The following GPHN variants were observed in gnomAD, a reference collection of about 807,000 sequenced individuals.
The protein encoded by GPHN is gephyrin.
GPHN carries 17 observed loss-of-function variants against 95.5 expected under a neutral mutation model. The ratio of observed to expected loss-of-function variants is 0.18; its 90% CI spans 0.12 to 0.27. GPHN has a LOEUF of 0.27. Ranked by LOEUF, GPHN falls within the 10% of genes least tolerant of loss-of-function variation. The pLI is 1.00. For missense variants in GPHN, 660 were observed against 978.1 expected, an observed-to-expected ratio of 0.67 and a Z score of 4.34; for synonymous variants, 320 against 322.5, an observed-to-expected ratio of 0.99 and a Z score of 0.08.
chr14:66,811,546 C>CA (rs778914403), intron 3 of GPHN, among the ~76,000 whole-genome samples: 518 of 87,068 alleles, frequency 5.9e-3, no homozygotes, highest in Admixed American at 0.012. Flanking sequence ...TTACATTCAG[C>CA]AAAAAAAAAA....
At chr14:66,626,883 C>CT in intron 1 of GPHN, among the ~76,000 whole-genome samples, 1 of 151,942 alleles carries the variant, frequency 6.6e-6, no homozygotes, top group East Asian at 1.9e-4. Context: ...CTTTGTGATC[C>CT]TACAAATTAT....
the GPHN span, among the ~76,000 whole-genome samples, chr14:67,640,116 A>T: frequency 1.4e-3 from 206 of 151,970 alleles, no homozygotes; most frequent in Admixed American, 6.4e-3. Context: ...TCTTTTTTTA[A>T]AAAAATAAAA....
At chr14:67,204,896 T>A in the GPHN span, 1 of 1,613,858 alleles carries the variant, frequency 6.2e-7, no homozygotes, top group East Asian at 2.2e-5. Flanking sequence ...TTCACAGACA[T>A]CACCGACATC....
the GPHN span, among the ~76,000 whole-genome samples, chr14:67,656,067 G>A: frequency 1.3e-5 from 2 of 151,996 alleles, no homozygotes; most frequent in Admixed American, 6.6e-5. Context: ...CCAACATGGC[G>A]AAACCCCATC....
intron 2 of GPHN, among the ~76,000 whole-genome samples, chr14:66,693,691 G>A (rs554658042): frequency 6.6e-6 from 1 of 152,256 alleles, no homozygotes; most frequent in South Asian, 2.1e-4. Context: ...GGACTCACTT[G>A]TGAATCTCCT....
the GPHN span, among the ~76,000 whole-genome samples, chr14:67,627,713 T>C: frequency 6.6e-6 from 1 of 152,170 alleles, no homozygotes; most frequent in African/African-American, 2.4e-5. Flanking sequence ...GGTGGGAAGA[T>C]TGCTTGAGGC....
the GPHN span, among the ~76,000 whole-genome samples, chr14:67,457,237 T>C: frequency 6.6e-6 from 1 of 152,142 alleles, no homozygotes; most frequent in African/African-American, 2.4e-5. Context: ...ACACTCAATT[T>C]ACCTATATAA....
the GPHN span, among the ~76,000 whole-genome samples, chr14:67,434,342 C>T: frequency 6.6e-6 from 1 of 152,170 alleles, no homozygotes; most frequent in Non-Finnish European, 1.5e-5. Context: ...ATTCCATAAT[C>T]CTAATTCTAA....
chr14:67,494,677 G>A, the GPHN span, among the ~76,000 whole-genome samples: 5 of 152,156 alleles, frequency 3.3e-5, no homozygotes, highest in East Asian at 1.9e-4. Context: ...GTCCACAGCC[G>A]GTGATGGCTG....
the GPHN span, among the ~76,000 whole-genome samples, chr14:67,327,288 T>C: frequency 6.6e-6 from 1 of 152,172 alleles, no homozygotes; most frequent in Non-Finnish European, 1.5e-5. Flanking sequence ...AGGAGTAGAA[T>C]TGCCGGATCA....
chr14:67,106,179 T>C (rs2078030985), intron 13 of GPHN, among the ~76,000 whole-genome samples: 1 of 152,182 alleles, frequency 6.6e-6, no homozygotes, highest in Non-Finnish European at 1.5e-5. Context: ...ATAGTATTCA[T>C]AGTTAGAAAT....
At chr14:67,392,059 GT>G in the GPHN span, among the ~76,000 whole-genome samples, 1 of 152,148 alleles carries the variant, frequency 6.6e-6, no homozygotes, top group Non-Finnish European at 1.5e-5. Context: ...TGTAGAAGTT[GT>G]TTTTTGATGT....
the GPHN span, chr14:67,332,973 G>A: frequency 9.2e-5 from 147 of 1,590,776 alleles, 2 homozygotes; most frequent in South Asian, 6.9e-4. Context: ...CATCCATTCT[G>A]TGGCATGTTG....
In GPHN at chr14:66,729,808, C is replaced by T. The variant is rs546951596; in HGVS notation, c.144-46656C>T. ...AAATAAAGGTTATGACTTTTGTGGG[C>T]ACTGATAGTCAATGGGTTGTCAGAA... On this transcript the variant is annotated intron_variant, in intron 2 of 22. Coordinates refer to ENST00000478722, the MANE Select transcript of GPHN (RefSeq NM_020806.5). 3.9e-3 allele frequency among the ~76,000 whole-genome samples: 595 copies of T among 152,284 alleles called. 6 individuals carry two copies. The highest frequency in any genetic ancestry group is 0.014 in the African/African-American group (572 of 41,558).
intron 18 of GPHN, among the ~76,000 whole-genome samples, chr14:67,146,906 G>A (rs1366149518): frequency 1.3e-5 from 2 of 152,148 alleles, no homozygotes; most frequent in Non-Finnish European, 2.9e-5. Context: ...AGTGACACAT[G>A]CCTATAATCC....
chr14:66,575,068 C>T (rs758535661), intron 1 of GPHN, among the ~76,000 whole-genome samples: 21 of 152,158 alleles, frequency 1.4e-4, no homozygotes, highest in Non-Finnish European at 1.6e-4. Flanking sequence ...TATATACATC[C>T]TATTGATTCT....
At chr14:67,721,881 T>C in the GPHN span, among the ~76,000 whole-genome samples, 1 of 152,124 alleles carries the variant, frequency 6.6e-6, no homozygotes, top group Admixed American at 6.5e-5. Context: ...GTGGAGCTTT[T>C]AAATAGATTC....
At chr14:66,838,859 T>G (rs1181243338) in intron 4 of GPHN, among the ~76,000 whole-genome samples, 1 of 152,138 alleles carries the variant, frequency 6.6e-6, no homozygotes, top group Non-Finnish European at 1.5e-5. Context: ...TACTATGAAC[T>G]TCTCAGAATA....
the GPHN span, among the ~76,000 whole-genome samples, chr14:67,206,988 C>A: frequency 6.6e-6 from 1 of 152,018 alleles, no homozygotes; most frequent in South Asian, 2.1e-4. Flanking sequence ...CCTTGGCAAG[C>A]AAAAATATTC....
Sources: allele counts gnomAD v4.1 joint callset (sites outside exome capture counted in the v4.1 genomes callset), GRCh38; gene constraint gnomAD v4.1.1; transcripts MANE v1.5; gene names NCBI Gene and HGNC (gene_info 2026-07-23, HGNC 2026-07-21).